The following PDXK variants were observed in gnomAD, a reference collection of about 807,000 sequenced individuals.
PDXK encodes the protein pyridoxal kinase, also known as epididymis secretory sperm binding protein Li 1a.
In PDXK, 15 loss-of-function variants were observed where a neutral mutation model predicts 43.2. That is an observed-to-expected ratio of 0.35 (90% CI 0.23 to 0.53). PDXK has a LOEUF of 0.53. Among genes scored for constraint, PDXK ranks in the 20% least tolerant of loss-of-function variants. The pLI, the probability that PDXK is intolerant of heterozygous loss-of-function variation, is 0.92. For synonymous variants in PDXK, 172 were observed against 165.4 expected (o/e 1.04, Z -0.31); for missense variants, 343 against 417.0 (o/e 0.82, Z 1.54).
At chr21:43,730,921 C>T (rs1253880020) in intron 1 of PDXK, among the ~76,000 whole-genome samples, 2 of 152,180 alleles carry the variant, frequency 1.3e-5, no homozygotes, top group Non-Finnish European at 2.9e-5. Flanking sequence ...TGCCACTGCA[C>T]TCCAGCCTGG....
chr21:43,741,966 C>T lies in PDXK; in HGVS notation c.247+195C>T, dbSNP rs1043107393. On this transcript the variant is annotated intron_variant, in intron 3 of 10. Transcript: ENST00000291565. ...CCTGGCCACACTATGCCTGCCGGGA[C>T]AATGACTGCCCAGGCTGTGCCAAGT... 2.6e-5 allele frequency among the ~76,000 whole-genome samples: 4 copies of T among 152,192 alleles called. No individual in the cohort carries two copies. In the East Asian group the frequency reaches 7.8e-4, roughly 30 times the overall value.
Position 43,741,767 on chromosome 21 carries a change from C to T in PDXK, c.243C>T (p.Leu81=). Residue 81 remains leucine, a synonymous_variant, in exon 3 of 11, where the codon CTC becomes CTT. Coordinates refer to ENST00000291565, the MANE Select transcript of PDXK (RefSeq NM_003681.5). ...ACATGAATAAATATGACTACGTGCT[C>T]ACAGGTAGGTGCCGGAGCAAGCTGC... The part of the protein sequence containing the change: ...LNNMNKYDYV[L]TGYTRDKSFL... The T allele has an allele frequency of 1.9e-6, 3 of 1,598,542 alleles. No homozygotes were observed. The highest frequency in any genetic ancestry group is 2.6e-6 in the Non-Finnish European group (3 of 1,167,554).
At chr21:43,736,041 G>A (rs1051044693) in intron 2 of PDXK, among the ~76,000 whole-genome samples, 2 of 152,230 alleles carry the variant, frequency 1.3e-5, no homozygotes, top group Non-Finnish European at 2.9e-5. Flanking sequence ...CCCACTGTGA[G>A]TGCGGTGCCC....
In PDXK at chr21:43,752,597, A is replaced by C. The variant is rs1054746450; in HGVS notation, c.590A>C (p.Asn197Thr). The stretch of plus-strand genomic sequence containing the variant: ...GACCTGCCCTCCCCGCAGGGCAGCA[A>C]CTACCTGATTGTGCTGGGGAGTCAG... ...SSDLPSPQGS[N>T]YLIVLGSQRR... The change falls in exon 8 of 11, where the codon AAC (asparagine) becomes ACC (threonine). Residue 197 changes from asparagine to threonine, a missense_variant. Physicochemically the swap from Asn to Thr is moderately conservative, Grantham distance 65 (BLOSUM62 0). Coordinates refer to ENST00000291565, the MANE Select transcript of PDXK (RefSeq NM_003681.5). The C allele has an allele frequency of 6.2e-7, 1 of 1,612,452 alleles. No homozygotes were observed. Among genetic ancestry groups the C allele is most frequent in the Admixed American group, 1.7e-5 (1 of 60,006 alleles).
intron 1 of PDXK, among the ~76,000 whole-genome samples, chr21:43,722,194 G>A (rs966189563): frequency 3.3e-5 from 5 of 152,158 alleles, no homozygotes; most frequent in South Asian, 4.1e-4. Flanking sequence ...TAGTGGCTGC[G>A]GCCATCTGCC....
At chr21:43,729,112 C>A in intron 1 of PDXK, 1 of 742,656 alleles carries the variant, frequency 1.3e-6, no homozygotes, top group Non-Finnish European at 1.6e-6. Context: ...GCGGCCTCCG[C>A]GGCTCTTCCC....
Position 43,752,773 on chromosome 21 carries a change from C to G in PDXK, c.622+144C>G, listed in dbSNP as rs2083776158. 3 of 616,528 alleles carry G rather than the reference C, an allele frequency of 4.9e-6. 1 individual carries two copies. The highest frequency in any genetic ancestry group is 6.7e-4 in the Middle Eastern group (2 of 3,004). The allele number at this position is 616,528 out of a possible 1,614,324, so 38.2% of individuals were successfully genotyped here. A position where few individuals can be genotyped will look rare whatever the true frequency, so the allele number is the denominator to read the frequency against. On this transcript the variant is annotated intron_variant, in intron 8 of 10. Transcript: ENST00000291565. Reference sequence around the variant, plus strand: ...GGATGACACCCCCATTTTACAGACTCTCAGGGATCAGGTGGGATTCCCAAG... The same window carrying G: ...GGATGACACCCCCATTTTACAGACTGTCAGGGATCAGGTGGGATTCCCAAG...
chr21:43,738,567 C>T (rs894140713), intron 2 of PDXK: 1 of 152,284 alleles, frequency 6.6e-6, no homozygotes, highest in Non-Finnish European at 1.5e-5. Context: ...CCATCATGTT[C>T]GCATGCTCAG....
intron 1 of PDXK, among the ~76,000 whole-genome samples, chr21:43,733,253 A>AC (rs1226314950): frequency 0.017 from 924 of 55,918 alleles, 9 homozygotes; most frequent in Admixed American, 0.023. Context: ...CCCCATCCCC[A>AC]CCCCCCCCCC....
At position 43,740,248 on chromosome 21, in the gene PDXK, C is replaced by T. The variant is rs574784613; in HGVS notation, c.143-1419C>T. Among the ~76,000 whole-genome samples the T allele has an allele frequency of 4.6e-4, 70 of 152,200 alleles. 1 individual carries two copies. Among genetic ancestry groups the T allele is most frequent in the Admixed American group, 9.2e-4 (14 of 15,290 alleles). On this transcript the variant is annotated intron_variant, in intron 2 of 10. Coordinates refer to ENST00000291565, the MANE Select transcript of PDXK (RefSeq NM_003681.5). ...GGAAAGCCAAAGGCGTCCCTTCCAG[C>T]GGGAGCCAGCGACTGGTACGCAGGA...
Position 43,737,283 on chromosome 21 carries a change from G to A in PDXK, c.142+3160G>A, listed in dbSNP as rs573490340. The A allele has an allele frequency of 7.1e-6, 10 of 1,404,848 alleles. No individual in the cohort carries two copies. The South Asian group carries it at 1.4e-4, about 20-fold the overall frequency. The allele number at this position is 1,404,848 out of a possible 1,614,324, so 87.0% of individuals were successfully genotyped here. Reference sequence around the variant, plus strand: ...TGCCTGCAGAGCCCACCTGGCGCAGGCCTCGCCGCCTCGAGGCTGCTGCTC... The same window carrying A: ...TGCCTGCAGAGCCCACCTGGCGCAGACCTCGCCGCCTCGAGGCTGCTGCTC... On this transcript the variant is annotated intron_variant, in intron 2 of 10. Transcript: ENST00000291565. This position sits in a 1 kb window ranked among gnomAD's most constrained non-coding sequence, Gnocchi z 4.8.
intron 1 of PDXK, among the ~76,000 whole-genome samples, chr21:43,733,265 GC>G (rs1363886611): frequency 2.1e-5 from 1 of 47,510 alleles, no homozygotes; most frequent in East Asian, 7.4e-4. Flanking sequence ...CCCCCCCCCC[GC>G]CCCCCCCGCC....
intron 5 of PDXK, among the ~76,000 whole-genome samples, chr21:43,746,486 C>G (rs1352465101): frequency 6.6e-6 from 1 of 152,184 alleles, no homozygotes; most frequent in Non-Finnish European, 1.5e-5. Context: ...GTGTCATGAT[C>G]TCAGCTTACT....
chr21:43,752,003 C>T (rs957877582), intron 7 of PDXK, among the ~76,000 whole-genome samples: 43 of 152,320 alleles, frequency 2.8e-4, no homozygotes, highest in African/African-American at 8.9e-4. Flanking sequence ...GGAGGCCTTT[C>T]GCTGACCTGG....
Position 43,756,174 on chromosome 21 carries a change from C to A in PDXK, c.*111C>A, listed in dbSNP as rs2083848353. The A allele has an allele frequency of 9.4e-6, 6 of 638,332 alleles. No individual in the cohort carries two copies. The highest frequency in any genetic ancestry group is 1.4e-5 in the Non-Finnish European group (5 of 362,008). 39.5% of individuals were successfully genotyped at this position (638,332 alleles called of 1,614,324 possible). ...CATGACCGAAACTTGATATTTTTTT[C>A]TTTCATGAGTGTCCGGCATCTGCTG... On this transcript the variant is annotated 3_prime_UTR_variant, in exon 11 of 11. Transcript: ENST00000291565.
chr21:43,732,379 T>A lies in PDXK; in HGVS notation c.88-1690T>A, dbSNP rs747094405. The A allele has an allele frequency of 3.1e-6, 5 of 1,612,100 alleles. No homozygotes were observed. The highest frequency in any genetic ancestry group is 4.2e-6 in the Non-Finnish European group (5 of 1,179,244). ...GCTTTGTCTGGCACATGAAGTTGGATGGGTAGACTCTGGAAGCGTCCAGAC... is the reference window on the plus strand; with the variant it reads ...GCTTTGTCTGGCACATGAAGTTGGAAGGGTAGACTCTGGAAGCGTCCAGAC... On this transcript the variant is annotated intron_variant, in intron 1 of 10. Transcript: ENST00000291565. This position sits in a 1 kb window ranked among gnomAD's most constrained non-coding sequence, Gnocchi z 4.1.
chr21:43,728,029 T>C (rs2083271350), intron 1 of PDXK, among the ~76,000 whole-genome samples: 1 of 152,218 alleles, frequency 6.6e-6, no homozygotes, highest in African/African-American at 2.4e-5. Context: ...ACGGTCCCTC[T>C]GCGGCACTGT....
chr21:43,755,844 T>C, intron 10 of PDXK, 80 bp downstream of exon 10: 1 of 1,476,904 alleles, frequency 6.8e-7, no homozygotes, highest in Non-Finnish European at 9.5e-7. Flanking sequence ...CACGTGCTGG[T>C]TTTGAAGGTG....
At chr21:43,724,599 TAG>T (rs541717208) in intron 1 of PDXK, among the ~76,000 whole-genome samples, 324 of 151,444 alleles carry the variant, frequency 2.1e-3, no homozygotes, top group African/African-American at 7.7e-3. Context: ...CCCAGTACTT[TAG>T]GAGGCCGAGA....
Sources: allele counts gnomAD v4.1 joint callset (sites outside exome capture counted in the v4.1 genomes callset), GRCh38; gene constraint gnomAD v4.1.1; non-coding constraint Gnocchi (gnomAD v3.1); transcripts MANE v1.5; gene names NCBI Gene and HGNC (gene_info 2026-07-23, HGNC 2026-07-21).